Variants in RAB5A observed in about 807,000 individuals in gnomAD.
RAB5A encodes ras-related protein Rab-5A.
A neutral mutation model predicts 25.7 loss-of-function variants in RAB5A; 8 were observed. The ratio of observed to expected loss-of-function variants is 0.31; its 90% confidence interval spans 0.18 to 0.56. The LOEUF (loss-of-function observed/expected upper bound fraction) is 0.56, where lower values mean the gene tolerates loss of function less well. RAB5A is among the 20% of genes least tolerant of loss of function. The pLI, the probability that RAB5A is intolerant of heterozygous loss-of-function variation, is 0.91. For synonymous variants in RAB5A, 98 were observed against 89.8 expected, an observed-to-expected ratio of 1.09 and a Z score of -0.52; for missense variants, 192 against 259.7, an observed-to-expected ratio of 0.74 and a Z score of 1.79.
intron 1 of RAB5A, among the ~76,000 whole-genome samples, chr3:19,948,831 T>G (rs1208367489): frequency 6.6e-6 from 1 of 152,200 alleles, no homozygotes; most frequent in African/African-American, 2.4e-5. Flanking sequence ...TGATAAGTAA[T>G]TTCTTGTTTT....
intron 2 of RAB5A, among the ~76,000 whole-genome samples, chr3:19,962,103 C>G (rs1033273382): frequency 4.5e-4 from 68 of 152,254 alleles, no homozygotes; most frequent in African/African-American, 1.4e-3. Context: ...GGGCTGTTAG[C>G]TAGAACACAC....
chr3:19,972,699 G>A (rs1696767702), intron 2 of RAB5A, among the ~76,000 whole-genome samples: 1 of 152,156 alleles, frequency 6.6e-6, no homozygotes, highest in Admixed American at 6.5e-5. Context: ...TCATTAGCCT[G>A]TTAATGTAAT....
intron 2 of RAB5A, among the ~76,000 whole-genome samples, chr3:19,957,958 T>C (rs1169670041): frequency 6.6e-6 from 1 of 152,212 alleles, no homozygotes; most frequent in Non-Finnish European, 1.5e-5. Context: ...AAATAACTCA[T>C]GTTTTTCCAG....
intron 2 of RAB5A, 101 bp from the exon 3 acceptor site, chr3:19,975,500 T>A: frequency 8.9e-7 from 1 of 1,127,794 alleles, no homozygotes; most frequent in Non-Finnish European, 1.3e-6. Flanking sequence ...ACTTACGGGG[T>A]ACAGTGTGAC....
chr3:19,958,701 G>C (rs1696540697), intron 2 of RAB5A, among the ~76,000 whole-genome samples: 1 of 152,126 alleles, frequency 6.6e-6, no homozygotes, highest in Non-Finnish European at 1.5e-5. Context: ...AAAACTAGTG[G>C]GGCGTGGTGT....
chr3:19,976,683 C>G (rs569474853), intron 4 of RAB5A, among the ~76,000 whole-genome samples: 42 of 152,110 alleles, frequency 2.8e-4, no homozygotes, highest in Non-Finnish European at 5.1e-4. Context: ...AAAACTCCGT[C>G]TCAAAATAAA....
chr3:19,978,879 A>G (rs1696869029), intron 5 of RAB5A: 1 of 152,510 alleles, frequency 6.6e-6, no homozygotes, highest in Non-Finnish European at 1.5e-5. Flanking sequence ...TTCAAAGCAT[A>G]GAGGCGTAAG....
intron 5 of RAB5A, among the ~76,000 whole-genome samples, chr3:19,981,253 G>T (rs1177555218): frequency 2.0e-5 from 3 of 152,122 alleles, no homozygotes; most frequent in African/African-American, 7.2e-5. Flanking sequence ...AAAGTGATAT[G>T]CATTTAGTAC....
chr3:19,978,512 T>C, intron 5 of RAB5A, 109 bp downstream of exon 5: 1 of 680,066 alleles, frequency 1.5e-6, no homozygotes, highest in Non-Finnish European at 2.6e-6. Context: ...GGTTTGTGTG[T>C]ATGTTTATGT....
chr3:19,981,919 CA>C (rs1183119159), intron 5 of RAB5A, among the ~76,000 whole-genome samples: 1 of 152,080 alleles, frequency 6.6e-6, no homozygotes, highest in African/African-American at 2.4e-5. Flanking sequence ...AGCTACTGGT[CA>C]GTCAGATTAG....
At chr3:19,968,147 A>G (rs988373757) in intron 2 of RAB5A, among the ~76,000 whole-genome samples, 1 of 152,172 alleles carries the variant, frequency 6.6e-6, no homozygotes, top group Non-Finnish European at 1.5e-5. Context: ...GAAATTTTGA[A>G]CAAGACCCTT....
chr3:19,953,247 A>G (rs1575066935), intron 2 of RAB5A, among the ~76,000 whole-genome samples: 1 of 152,282 alleles, frequency 6.6e-6, no homozygotes, highest in East Asian at 1.9e-4. Flanking sequence ...CCTGTGTATC[A>G]TAAATATATC....
rs202101955 is a variant in RAB5A at position 19,969,030 on chromosome 3, G to GTTT, written c.164-6571_164-6570insTTT. ...TTGCAAATTGGTGTTTTTTGGTTTT[G>GTTT]GTTTTTTTTTTTTGGTTTTTTTTTT... On this transcript the variant is annotated intron_variant, in intron 2 of 5. Transcript: ENST00000273047. Among the ~76,000 whole-genome samples, 730 of 112,112 alleles carry GTTT rather than the reference G, an allele frequency of 6.5e-3. 5 individuals are homozygous for GTTT. Among genetic ancestry groups the GTTT allele is most frequent in the African/African-American group, 0.012 (262 of 22,122 alleles). The allele number at this position is 112,112 out of a possible 152,430, so 73.5% of individuals were successfully genotyped here. A position where few individuals can be genotyped will look rare whatever the true frequency, so the allele number is the denominator to read the frequency against.
chr3:19,963,598 G>T (rs989001946), intron 2 of RAB5A, among the ~76,000 whole-genome samples: 4 of 151,922 alleles, frequency 2.6e-5, no homozygotes, highest in Admixed American at 6.6e-5. Context: ...TTCCCTCTCT[G>T]TTTAGTCTTC....
intron 4 of RAB5A, among the ~76,000 whole-genome samples, chr3:19,976,556 A>G (rs554862073): frequency 6.6e-6 from 1 of 152,288 alleles, no homozygotes; most frequent in South Asian, 2.1e-4. Context: ...ATGGTAGTGC[A>G]TGCCTGTAAT....
In RAB5A at chr3:19,953,765, C is replaced by T. The variant is rs528101933; in HGVS notation, c.163+2704C>T. On this transcript the variant is annotated intron_variant, in intron 2 of 5. Transcript: ENST00000273047. The stretch of plus-strand genomic sequence containing the variant: ...TCACTGTGCTGACCCCATGTGAATA[C>T]TATTCAGGAGGTATGACAGTACCAT... Among the ~76,000 whole-genome samples, 208 of 152,266 alleles carry T rather than the reference C, an allele frequency of 1.4e-3. 1 individual carries two copies. Among genetic ancestry groups the T allele is most frequent in the Non-Finnish European group, 2.4e-3 (162 of 68,026 alleles).
intron 5 of RAB5A, among the ~76,000 whole-genome samples, chr3:19,980,401 T>TA (rs1696901099): frequency 1.3e-5 from 2 of 152,246 alleles, no homozygotes; most frequent in African/African-American, 2.4e-5. Flanking sequence ...ATCTATGTTG[T>TA]AAATGGAATT....
At chr3:19,948,409 A>G (rs1334444845) in intron 1 of RAB5A, among the ~76,000 whole-genome samples, 2 of 152,254 alleles carry the variant, frequency 1.3e-5, no homozygotes, top group Non-Finnish European at 1.5e-5. Context: ...CAGCATTTGT[A>G]TAAACAAAGT....
Position 19,950,790 on chromosome 3 carries a change from A to G in RAB5A, c.-93-16A>G. On this transcript the variant is annotated splice_polypyrimidine_tract_variant and intron_variant, in intron 1 of 5. Coordinates refer to ENST00000273047, the MANE Select transcript of RAB5A (RefSeq NM_004162.5). ...TTACTGATTTGTATATTTAATTCAT[A>G]ATTGTTTCTTTACAGGTTTCTTTAC... 1 of 1,081,426 alleles carries G rather than the reference A, an allele frequency of 9.2e-7. No individual in the cohort carries two copies. Among genetic ancestry groups the G allele is most frequent in the South Asian group, 1.7e-5 (1 of 57,390 alleles). 67.0% of individuals were successfully genotyped at this position (1,081,426 alleles called of 1,614,324 possible). A position where few individuals can be genotyped will look rare whatever the true frequency, so the allele number is the denominator to read the frequency against.
Sources: gnomAD v4.1 joint callset for allele counts (sites outside exome capture counted in the v4.1 genomes callset) on GRCh38, gnomAD v4.1.1 for gene constraint, MANE v1.5 for transcripts, NCBI Gene and HGNC (gene_info 2026-07-23, HGNC 2026-07-21) for gene names.